The following LRRC59 variants were observed in gnomAD, a reference collection of about 807,000 sequenced individuals.
The protein encoded by LRRC59 is leucine-rich repeat-containing protein 59.
LRRC59 carries 18 observed loss-of-function variants against 33.5 expected under a neutral mutation model. The observed-to-expected ratio is 0.54, with a 90% CI of 0.37 to 0.80. The LOEUF (loss-of-function observed/expected upper bound fraction) is 0.80. Among genes scored for constraint, LRRC59 ranks in the 30% least tolerant of loss-of-function variants. LRRC59 has a pLI of 0.00. For synonymous variants in LRRC59, 138 were observed against 160.0 expected (o/e 0.86, Z 1.04); for missense variants, 330 against 391.9 (o/e 0.84, Z 1.33).
At chr17:50,383,377 G>A (rs1913918871) in intron 6 of LRRC59, 142 bp from the exon 7 acceptor site, 2 of 1,097,844 alleles carry the variant, frequency 1.8e-6, no homozygotes, top group African/African-American at 3.2e-5. Context: ...GAGAAAAAAT[G>A]TCTCCACAGA....
Position 50,382,773 on chromosome 17 carries a change from C to T in LRRC59, c.*215G>A, listed in dbSNP as rs770529197. ...TAGGCATGCAGGTAACTGCCCCCCA[C>T]GCCCCCCCGCCACCTCCCATTTCTC... On this transcript the variant is annotated 3_prime_UTR_variant, in exon 7 of 7. Coordinates refer to ENST00000225972, the MANE Select transcript of LRRC59 (RefSeq NM_018509.4). The T allele has an allele frequency of 1.6e-5, 9 of 567,414 alleles. No individual in the cohort carries two copies. The highest frequency in any genetic ancestry group is 3.8e-5 in the African/African-American group (2 of 52,092). The allele number at this position is 567,414 out of a possible 1,614,324, so 35.1% of individuals were successfully genotyped here.
At chr17:50,396,041 G>A (rs1478916234) in intron 1 of LRRC59, 5 of 152,248 alleles carry the variant, frequency 3.3e-5, no homozygotes, top group Non-Finnish European at 5.9e-5. Context: ...AGCAGTCCTA[G>A]GGCAGGGTGA....
chr17:50,392,673 C>A, intron 3 of LRRC59, 66 bp downstream of exon 3: 1 of 1,586,034 alleles, frequency 6.3e-7, no homozygotes. Context: ...TTTCTCAGGG[C>A]CGTGCTCCAG....
In LRRC59 at chr17:50,383,239, G is replaced by C; in HGVS notation, c.677-4C>G. The C allele has an allele frequency of 6.4e-7, 1 of 1,550,890 alleles. No individual in the cohort carries two copies. The highest frequency in any genetic ancestry group is 1.2e-5 in the South Asian group (1 of 84,006). Reference sequence around the variant, plus strand: ...GGACGGGAGCCAGACTTAGATTCTGGAGGAAAAGTAACAGTAGACAAAGCA... The same window carrying C: ...GGACGGGAGCCAGACTTAGATTCTGCAGGAAAAGTAACAGTAGACAAAGCA... On this transcript the variant is annotated splice_polypyrimidine_tract_variant and splice_region_variant and intron_variant, in intron 6 of 6. Coordinates refer to ENST00000225972, the MANE Select transcript of LRRC59 (RefSeq NM_018509.4).
In LRRC59 at chr17:50,382,774, G is replaced by GC. The variant is rs1466478300; in HGVS notation, c.*213dup. The GC allele has an allele frequency of 1.3e-4, 26 of 195,128 alleles. No individual in the cohort carries two copies. Among genetic ancestry groups the GC allele is most frequent in the Admixed American group, 1.1e-3 (11 of 10,344 alleles). 12.1% of individuals were successfully genotyped at this position (195,128 alleles called of 1,614,324 possible). ...AGGCATGCAGGTAACTGCCCCCCACGCCCCCCCGCCACCTCCCATTTCTCC... is the reference window on the plus strand; with the variant it reads ...AGGCATGCAGGTAACTGCCCCCCACGCCCCCCCCGCCACCTCCCATTTCTCC... On this transcript the variant is annotated 3_prime_UTR_variant, in exon 7 of 7. Transcript: ENST00000225972.
chr17:50,395,191 T>C (rs1219188078), intron 1 of LRRC59, among the ~76,000 whole-genome samples: 1 of 151,986 alleles, frequency 6.6e-6, no homozygotes, highest in Admixed American at 6.6e-5. Flanking sequence ...AGAGAAGGGA[T>C]GTGGCTGTAC....
chr17:50,382,990 A>C lies in LRRC59; in HGVS notation c.922T>G (p.Ter308GlyextTer44), dbSNP rs1913904450. The C allele has an allele frequency of 6.2e-7, 1 of 1,612,176 alleles. No individual in the cohort carries two copies. The highest frequency in any genetic ancestry group is 8.5e-7 in the Non-Finnish European group (1 of 1,179,628). Residue 308 changes from the stop codon to glycine, a stop_lost, in exon 7 of 7, where the codon TGA becomes GGA. Coordinates refer to ENST00000225972, the MANE Select transcript of LRRC59 (RefSeq NM_018509.4). ...QWVLQTDSQQ* is the reference protein window; with the variant it reads ...QWVLQTDSQQG ...GGCAGCAGGTGCTGGGGACAAGCTC[A>C]CTGCTGAGAGTCGGTCTGGAGGACC... is the stretch of plus-strand genomic sequence containing the variant.
At position 50,388,912 on chromosome 17, in the gene LRRC59, T is replaced by C. The variant is rs528883075; in HGVS notation, c.430-780A>G. Among the ~76,000 whole-genome samples the C allele has an allele frequency of 2.0e-5, 3 of 152,326 alleles. No homozygotes were observed. The East Asian group carries it at 5.8e-4, about 29-fold the overall frequency. On this transcript the variant is annotated intron_variant, in intron 4 of 6. Coordinates refer to ENST00000225972, the MANE Select transcript of LRRC59 (RefSeq NM_018509.4). ...GCTTGGTCATAAGATGGCAGATTCC[T>C]TAATGGCAGGAACCGCTGTCTGGTC... is the stretch of plus-strand genomic sequence containing the variant.
intron 4 of LRRC59, among the ~76,000 whole-genome samples, chr17:50,389,823 G>A (rs760178461): frequency 7.9e-5 from 12 of 152,118 alleles, no homozygotes; most frequent in African/African-American, 2.7e-4. Flanking sequence ...TGGGCCAGGC[G>A]CGGTGGCTCA....
At position 50,381,599 on chromosome 17, in the gene LRRC59, A is replaced by G. The variant is rs1913850036; in HGVS notation, c.*1389T>C. The G allele has an allele frequency of 6.5e-6, 1 of 152,752 alleles. No individual in the cohort carries two copies. Among genetic ancestry groups the G allele is most frequent in the East Asian group, 1.9e-4 (1 of 5,190 alleles). The allele number at this position is 152,752 out of a possible 1,614,324, so 9.5% of individuals were successfully genotyped here. ...ATAGTCATGAGTTGCAGTCCCATCC[A>G]AAAGGTCATTAGGGCTAAAAGGCCC... On this transcript the variant is annotated 3_prime_UTR_variant, in exon 7 of 7. Transcript: ENST00000225972.
chr17:50,381,412 T>C lies in LRRC59; in HGVS notation c.*1576A>G, dbSNP rs3744527. The stretch of plus-strand genomic sequence containing the variant: ...GGACTTCTATATTGTCTTCATCTCA[T>C]TGTGTGTATTATGTATTTAGTTTCA... On this transcript the variant is annotated 3_prime_UTR_variant, in exon 7 of 7. Transcript: ENST00000225972. 1.1e-4 allele frequency: 19 copies of C among 169,220 alleles called. No homozygotes were observed. The East Asian group carries it at 1.9e-3, about 17-fold the overall frequency. The allele number at this position is 169,220 out of a possible 1,614,324, so 10.5% of individuals were successfully genotyped here.
At position 50,381,543 on chromosome 17, in the gene LRRC59, G is replaced by C. The variant is rs1387726268; in HGVS notation, c.*1445C>G. 1 of 153,088 alleles carries C rather than the reference G, an allele frequency of 6.5e-6. No individual in the cohort carries two copies. Among genetic ancestry groups the C allele is most frequent in the Non-Finnish European group, 1.5e-5 (1 of 68,368 alleles). 9.5% of individuals were successfully genotyped at this position (153,088 alleles called of 1,614,324 possible). ...TACGCAGCAGAGCTATGGGGGAGAA[G>C]ATTAACAAAGTCCTTTCTTCCAATA... is the stretch of plus-strand genomic sequence containing the variant. On this transcript the variant is annotated 3_prime_UTR_variant, in exon 7 of 7. Transcript: ENST00000225972.
In LRRC59 at chr17:50,382,916, G is replaced by A; in HGVS notation, c.*72C>T. 4 of 1,556,752 alleles carry A rather than the reference G, an allele frequency of 2.6e-6. No homozygotes were observed. Among genetic ancestry groups the A allele is most frequent in the Non-Finnish European group, 2.6e-6 (3 of 1,148,660 alleles). ...GTAGGTCTGATGCTAAAAAGAGGTTGTGTCCAGCAGAACCCAATTCCATAG... is the reference window on the plus strand; with the variant it reads ...GTAGGTCTGATGCTAAAAAGAGGTTATGTCCAGCAGAACCCAATTCCATAG... On this transcript the variant is annotated 3_prime_UTR_variant, in exon 7 of 7. Coordinates refer to ENST00000225972, the MANE Select transcript of LRRC59 (RefSeq NM_018509.4).
At chr17:50,384,555 C>T (rs1043721641) in intron 6 of LRRC59, among the ~76,000 whole-genome samples, 2 of 152,052 alleles carry the variant, frequency 1.3e-5, no homozygotes, top group African/African-American at 2.4e-5. Context: ...TACCTGAGGT[C>T]GGGAGTTTGA....
intron 2 of LRRC59, among the ~76,000 whole-genome samples, chr17:50,394,531 T>C (rs1235987343): frequency 6.6e-6 from 1 of 152,178 alleles, no homozygotes; most frequent in Non-Finnish European, 1.5e-5. Context: ...AAGGAAGCTG[T>C]TCACAGCTTT....
rs1913849141 is a variant in LRRC59, at chr17:50,381,569, T to C, written c.*1419A>G. On this transcript the variant is annotated 3_prime_UTR_variant, in exon 7 of 7. Transcript: ENST00000225972. ...ATTAACAAAGTCCTTTCTTCCAATATCAGGATAGTCATGAGTTGCAGTCCC... is the reference window on the plus strand; with the variant it reads ...ATTAACAAAGTCCTTTCTTCCAATACCAGGATAGTCATGAGTTGCAGTCCC... 1 of 152,940 alleles carries C rather than the reference T, an allele frequency of 6.5e-6. No homozygotes were observed. Among genetic ancestry groups the C allele is most frequent in the Admixed American group, 6.5e-5 (1 of 15,328 alleles). The allele number at this position is 152,940 out of a possible 1,614,324, so 9.5% of individuals were successfully genotyped here. A position where few individuals can be genotyped will look rare whatever the true frequency, so the allele number is the denominator to read the frequency against.
intron 1 of LRRC59, chr17:50,396,381 G>A (rs1914273310): frequency 6.6e-6 from 1 of 152,290 alleles, no homozygotes. Flanking sequence ...ATGGAGCTGG[G>A]AGGAGCTAGG....
intron 6 of LRRC59, 89 bp from the exon 7 acceptor site, chr17:50,383,324 T>A: frequency 6.9e-7 from 1 of 1,442,080 alleles, no homozygotes; most frequent in Non-Finnish European, 9.2e-7. Flanking sequence ...CGTGCAGATC[T>A]ACCTACATTC....
chr17:50,391,810 C>T (rs1914150828), intron 4 of LRRC59, among the ~76,000 whole-genome samples: 1 of 152,248 alleles, frequency 6.6e-6, no homozygotes, highest in African/African-American at 2.4e-5. Context: ...ATTAAAACAA[C>T]TGTCCACACA....
Sources: gnomAD v4.1 joint callset for allele counts (sites outside exome capture counted in the v4.1 genomes callset) on GRCh38, gnomAD v4.1.1 for gene constraint, MANE v1.5 for transcripts, NCBI Gene and HGNC (gene_info 2026-07-23, HGNC 2026-07-21) for gene names.